The following RPS6KC1 variants were observed in gnomAD, a reference collection of about 807,000 sequenced individuals.
RPS6KC1 encodes inactive ribosomal protein S6 kinase delta-1.
Under a neutral mutation model 103.8 loss-of-function variants are expected in RPS6KC1, and 54 were observed. That is an observed-to-expected ratio of 0.52 (90% CI 0.42 to 0.65). RPS6KC1 has a LOEUF of 0.65. Ranked by LOEUF, RPS6KC1 falls within the 30% of genes least tolerant of loss-of-function variation. The pLI is 0.00. For missense variants in RPS6KC1, 1,151 were observed against 1,253.8 expected, an observed-to-expected ratio of 0.92 and a Z score of 1.24; for synonymous variants, 439 against 438.7, an observed-to-expected ratio of 1.00 and a Z score of -0.01.
At chr1:213,363,726 CG>C in the RPS6KC1 span, among the ~76,000 whole-genome samples, 19 of 111,388 alleles carry the variant, frequency 1.7e-4, no homozygotes, top group East Asian at 9.3e-4. Flanking sequence ...TTCTTTCTTT[CG>C]TTCTTTCTTT....
chr1:213,804,023 A>C, the RPS6KC1 span, among the ~76,000 whole-genome samples: 1 of 151,794 alleles, frequency 6.6e-6, no homozygotes, highest in Non-Finnish European at 1.5e-5. Context: ...TGACAAGTTA[A>C]TGGGTGCAGC....
the RPS6KC1 span, among the ~76,000 whole-genome samples, chr1:213,511,108 G>C: frequency 6.6e-6 from 1 of 152,036 alleles, no homozygotes; most frequent in Non-Finnish European, 1.5e-5. Flanking sequence ...GGAGCTTTGA[G>C]ATGATATAAC....
the RPS6KC1 span, among the ~76,000 whole-genome samples, chr1:213,721,011 G>A: frequency 6.6e-6 from 1 of 152,198 alleles, no homozygotes; most frequent in Admixed American, 6.5e-5. Flanking sequence ...AGAAGTACTT[G>A]AGCAGGTCCT....
the RPS6KC1 span, among the ~76,000 whole-genome samples, chr1:213,285,891 G>A: frequency 6.6e-6 from 1 of 152,200 alleles, no homozygotes; most frequent in Admixed American, 6.5e-5. Context: ...CACCGTCTTT[G>A]AAGCAGAGGG....
At chr1:213,728,635 C>A in the RPS6KC1 span, among the ~76,000 whole-genome samples, 1 of 152,076 alleles carries the variant, frequency 6.6e-6, no homozygotes, top group Non-Finnish European at 1.5e-5. Flanking sequence ...CATTTGCAGG[C>A]GGGGCCACTC....
chr1:213,317,288 G>C, the RPS6KC1 span, among the ~76,000 whole-genome samples: 1 of 152,012 alleles, frequency 6.6e-6, no homozygotes, highest in Non-Finnish European at 1.5e-5. Flanking sequence ...TCTGTCTGTA[G>C]CTGCCCATTT....
the RPS6KC1 span, among the ~76,000 whole-genome samples, chr1:213,605,196 C>A: frequency 2.6e-5 from 4 of 152,124 alleles, no homozygotes; most frequent in Non-Finnish European, 5.9e-5. Flanking sequence ...TAGGGCTGAA[C>A]AATATACTCG....
At chr1:213,231,467 A>G (rs976927050) in intron 9 of RPS6KC1, among the ~76,000 whole-genome samples, 3 of 152,226 alleles carry the variant, frequency 2.0e-5, no homozygotes, top group African/African-American at 7.2e-5. Context: ...AAGCATTTCC[A>G]CAGCATTCAG....
the RPS6KC1 span, among the ~76,000 whole-genome samples, chr1:213,861,871 C>A: frequency 6.6e-6 from 1 of 152,174 alleles, no homozygotes; most frequent in Admixed American, 6.5e-5. Context: ...GAAGCTGGCA[C>A]CTCATCCATT....
the RPS6KC1 span, among the ~76,000 whole-genome samples, chr1:213,547,083 T>G: frequency 6.6e-6 from 1 of 152,212 alleles, no homozygotes; most frequent in Non-Finnish European, 1.5e-5. Context: ...TATTAGAATT[T>G]TTTTTAATTA....
chr1:213,796,229 T>C, the RPS6KC1 span, among the ~76,000 whole-genome samples: 2 of 152,214 alleles, frequency 1.3e-5, no homozygotes, highest in Non-Finnish European at 2.9e-5. Context: ...TTCTGATCCT[T>C]GAGTTCTCCC....
the RPS6KC1 span, among the ~76,000 whole-genome samples, chr1:213,321,990 A>G: frequency 6.6e-6 from 1 of 152,146 alleles, no homozygotes; most frequent in African/African-American, 2.4e-5. Context: ...GAGAGGGGGT[A>G]GGGTAAGAGG....
the RPS6KC1 span, among the ~76,000 whole-genome samples, chr1:213,666,194 C>G: frequency 7.2e-5 from 11 of 152,230 alleles, no homozygotes; most frequent in African/African-American, 2.2e-4. Flanking sequence ...CTCTTAGGTA[C>G]TTACTGAATG....
At chr1:213,736,442 A>C in the RPS6KC1 span, among the ~76,000 whole-genome samples, 123,982 of 152,214 alleles carry the variant, frequency 0.81, 51,178 homozygotes, top group African/African-American at 0.95. Context: ...TTTCTTGCCA[A>C]GAGGCCTTTT....
At chr1:213,443,807 A>G in the RPS6KC1 span, among the ~76,000 whole-genome samples, 13 of 152,080 alleles carry the variant, frequency 8.5e-5, no homozygotes, top group Non-Finnish European at 1.6e-4. Context: ...AGTCCCAGCT[A>G]CTGGGGAGGC....
chr1:213,220,357 C>G (rs1018689894), intron 8 of RPS6KC1, among the ~76,000 whole-genome samples: 1 of 152,136 alleles, frequency 6.6e-6, no homozygotes, highest in Non-Finnish European at 1.5e-5. Flanking sequence ...AATGGAGTCT[C>G]GCTCTGTCAC....
chr1:213,166,727 C>G (rs1426385054), intron 6 of RPS6KC1, among the ~76,000 whole-genome samples: 1 of 152,108 alleles, frequency 6.6e-6, no homozygotes, highest in South Asian at 2.1e-4. Context: ...AATTGCAATC[C>G]CAACTTTGTT....
the RPS6KC1 span, among the ~76,000 whole-genome samples, chr1:213,672,691 A>G: frequency 3.3e-5 from 5 of 152,216 alleles, no homozygotes; most frequent in Non-Finnish European, 7.3e-5. Flanking sequence ...CAACTCCCAC[A>G]TATAAACTAA....
At chr1:213,293,815 G>C in the RPS6KC1 span, among the ~76,000 whole-genome samples, 1 of 152,028 alleles carries the variant, frequency 6.6e-6, no homozygotes, top group South Asian at 2.1e-4. Context: ...TCTTGGAGTT[G>C]GTTATAATTA....
Sources: gnomAD v4.1 joint callset for allele counts (sites outside exome capture counted in the v4.1 genomes callset) on GRCh38, gnomAD v4.1.1 for gene constraint, MANE v1.5 for transcripts, NCBI Gene and HGNC (gene_info 2026-07-23, HGNC 2026-07-21) for gene names.